The following BCO2 variants were observed in gnomAD, a reference collection of about 807,000 sequenced individuals.
BCO2 encodes the protein beta-carotene oxygenase 2, also known as carotenoid-cleaving dioxygenase, mitochondrial.
In BCO2, 56 loss-of-function variants were observed where a neutral mutation model predicts 65.8. The ratio of observed to expected loss-of-function variants is 0.85; its 90% confidence interval spans 0.69 to 1.06. BCO2 has a LOEUF of 1.06. Among genes scored for constraint, BCO2 ranks in the 50% least tolerant of loss-of-function variants. BCO2 has a pLI of 0.00. For missense variants in BCO2, 675 were observed against 698.5 expected (o/e 0.97, Z 0.38); for synonymous variants, 233 against 242.3 (o/e 0.96, Z 0.36).
Position 112,182,719 on chromosome 11 carries a change from C to T in BCO2, c.293+3237C>T, listed in dbSNP as rs193188083. The T allele has an allele frequency of 3.1e-4, 147 of 467,626 alleles. No homozygotes were observed. In the East Asian group the frequency reaches 4.8e-3, roughly 15 times the overall value. 29.0% of individuals were successfully genotyped at this position (467,626 alleles called of 1,614,324 possible). ...GGCCTGTCATGGGGTGGGGGGAGCA[C>T]GGAGGGATAGAATTAGGAGATATAC... On this transcript the variant is annotated intron_variant, in intron 2 of 11. Transcript: ENST00000357685.
chr11:112,194,663 G>A lies in BCO2; in HGVS notation c.644G>A (p.Ser215Asn), dbSNP rs769540991. The change falls in exon 5 of 12, where the codon AGC becomes AAC. Residue 215 changes from serine to asparagine, a missense_variant. Coordinates refer to ENST00000357685, the MANE Select transcript of BCO2 (RefSeq NM_031938.7). The stretch of plus-strand genomic sequence containing the variant: ...GTCTCAAATTTGCAGGTAGATTGGA[G>A]CAAATTTATTGCTGTGAATGGAGCA... The part of the protein sequence containing the change: ...TLEKTEKVDW[S>N]KFIAVNGATA... 1 of 1,611,620 alleles carries A rather than the reference G, an allele frequency of 6.2e-7. No individual in the cohort carries two copies. Among genetic ancestry groups the A allele is most frequent in the Non-Finnish European group, 8.5e-7 (1 of 1,178,326 alleles).
chr11:112,200,600 T>G lies in BCO2; in HGVS notation c.866-13T>G. The G allele has an allele frequency of 6.3e-7, 1 of 1,591,794 alleles. No individual in the cohort carries two copies. On this transcript the variant is annotated splice_polypyrimidine_tract_variant and intron_variant, in intron 6 of 11. Coordinates refer to ENST00000357685, the MANE Select transcript of BCO2 (RefSeq NM_031938.7). ...GCCAAATAACATTTTTATTGTTTGC[T>G]GGAACCTTTTAGGAATGACAAGGAA...
chr11:112,217,651 G>T, intron 11 of BCO2, 110 bp from the exon 12 acceptor site: 1 of 717,196 alleles, frequency 1.4e-6, no homozygotes. Flanking sequence ...GTGAGCCACT[G>T]TGCCTGACCA....
rs139425271 is a variant in BCO2, at chr11:112,193,582, C to G, written c.402C>G (p.Asn134Lys). ...KFLQSDTYKANSAKNRIVISE... is the reference protein window; with the variant it reads ...KFLQSDTYKAKSAKNRIVISE... ...TACAGAGTGATACATATAAGGCCAACAGTGCTAAAAACCGAATTGTGATCT... is the reference window on the plus strand; with the variant it reads ...TACAGAGTGATACATATAAGGCCAAGAGTGCTAAAAACCGAATTGTGATCT... The change falls in exon 3 of 12, where the codon AAC becomes AAG. Residue 134 changes from asparagine to lysine, a missense_variant. Transcript: ENST00000357685. 2.5e-4 allele frequency: 396 copies of G among 1,614,040 alleles called. No homozygotes were observed. The highest frequency in any genetic ancestry group is 3.1e-4 in the Non-Finnish European group (370 of 1,180,026).
intron 2 of BCO2, among the ~76,000 whole-genome samples, chr11:112,190,497 T>C (rs991169947): frequency 2.6e-5 from 4 of 152,128 alleles, no homozygotes; most frequent in Non-Finnish European, 5.9e-5. Context: ...CACAGAATTA[T>C]CTCCATAGAT....
At chr11:112,202,372 TC>T (rs1462777256) in intron 8 of BCO2, among the ~76,000 whole-genome samples, 182 bp downstream of exon 8, 1 of 152,090 alleles carries the variant, frequency 6.6e-6, no homozygotes, top group Non-Finnish European at 1.5e-5. Context: ...AACCTCTACC[TC>T]CCAGGTTCAA....
chr11:112,217,167 T>C (rs1490011703), intron 11 of BCO2, among the ~76,000 whole-genome samples: 1 of 152,196 alleles, frequency 6.6e-6, no homozygotes, highest in Non-Finnish European at 1.5e-5. Flanking sequence ...TCAAAGAAAT[T>C]CTGTGAAGGT....
At position 112,213,800 on chromosome 11, in the gene BCO2, G is replaced by T. The variant is rs1287262852; in HGVS notation, c.1271G>T (p.Gly424Val). 3 of 1,613,270 alleles carry T rather than the reference G, an allele frequency of 1.9e-6. No homozygotes were observed. In the East Asian group the frequency reaches 6.7e-5, roughly 36 times the overall value. ...PLNVSLNAPE[G>V]DNLSPLSYTS... Reference sequence around the variant, plus strand: ...AATGTCAGTTTGAATGCCCCTGAGGGAGACAACCTGAGTCCATTGTCCTAT... The same window carrying T: ...AATGTCAGTTTGAATGCCCCTGAGGTAGACAACCTGAGTCCATTGTCCTAT... Residue 424 changes from glycine (G) to valine (V), a missense_variant, in exon 9 of 12, where the codon GGA becomes GTA. Physicochemically the swap from Gly to Val is moderately radical, Grantham distance 109. Coordinates refer to ENST00000357685, the MANE Select transcript of BCO2 (RefSeq NM_031938.7).
In BCO2 at chr11:112,179,366, C is replaced by A. The variant is rs200795587; in HGVS notation, c.177C>A (p.Thr59=). The change falls in exon 2 of 12, where the codon ACC becomes ACA. Residue 59 remains threonine (T), a synonymous_variant. Coordinates refer to ENST00000357685, the MANE Select transcript of BCO2 (RefSeq NM_031938.7). ...RGLPCVAPLL[T]TVEEAPRGIS... is the part of the protein sequence containing the mutation. Reference sequence around the variant, plus strand: ...TGCCATGTGTTGCACCGCTGCTGACCACAGTGGAAGAGGCTCCACGGGGCA... The same window carrying A: ...TGCCATGTGTTGCACCGCTGCTGACAACAGTGGAAGAGGCTCCACGGGGCA... 6.2e-7 allele frequency: 1 copy of A among 1,614,018 alleles called. No individual in the cohort carries two copies. The highest frequency in any genetic ancestry group is 8.5e-7 in the Non-Finnish European group (1 of 1,180,036).
chr11:112,184,608 A>G (rs1253098365), intron 2 of BCO2, among the ~76,000 whole-genome samples: 1 of 152,166 alleles, frequency 6.6e-6, no homozygotes, highest in Non-Finnish European at 1.5e-5. Context: ...AAATATATAT[A>G]AAGTAAAAAT....
chr11:112,204,759 G>A (rs531762184), intron 8 of BCO2, among the ~76,000 whole-genome samples: 7 of 152,028 alleles, frequency 4.6e-5, no homozygotes, highest in South Asian at 2.1e-4. Flanking sequence ...TGCAACCTCC[G>A]CCTCCTCAGT....
intron 8 of BCO2, among the ~76,000 whole-genome samples, chr11:112,210,760 A>G (rs1178665939): frequency 1.2e-3 from 4 of 3,426 alleles, no homozygotes; most frequent in African/African-American, 4.1e-3. Context: ...ATACACGCAC[A>G]CACACACACA....
At chr11:112,201,426 G>C (rs751547656) in intron 7 of BCO2, among the ~76,000 whole-genome samples, 5 of 152,092 alleles carry the variant, frequency 3.3e-5, no homozygotes, top group African/African-American at 4.8e-5. Context: ...GGGATTACAG[G>C]CGTGAGCCAC....
chr11:112,182,763 T>G (rs1867089950), intron 2 of BCO2: 2 of 575,108 alleles, frequency 3.5e-6, no homozygotes, highest in African/African-American at 3.8e-5. Context: ...AATGATGAGT[T>G]AATGGGTGCA....
At chr11:112,210,948 T>C (rs988682784) in intron 8 of BCO2, among the ~76,000 whole-genome samples, 42 of 152,096 alleles carry the variant, frequency 2.8e-4, no homozygotes, top group Non-Finnish European at 3.2e-4. Context: ...AGAAAGTATA[T>C]ATATATAACA....
In BCO2 at chr11:112,193,601, G is replaced by A; in HGVS notation, c.421G>A (p.Val141Met). Residue 141 changes from valine (V) to methionine (M), a missense_variant, in exon 3 of 12, where the codon GTG becomes ATG. By Grantham distance (21) the Val-to-Met change is conservative. Transcript: ENST00000357685. ...GGCCAACAGTGCTAAAAACCGAATT[G>A]TGATCTCAGAATTTGGCACACTGGC... is the stretch of plus-strand genomic sequence containing the variant. ...YKANSAKNRI[V>M]ISEFGTLALP... 1 of 1,614,136 alleles carries A rather than the reference G, an allele frequency of 6.2e-7. No homozygotes were observed. Among genetic ancestry groups the A allele is most frequent in the East Asian group, 2.2e-5 (1 of 44,880 alleles).
At chr11:112,191,731 C>T (rs1044860554) in intron 2 of BCO2, among the ~76,000 whole-genome samples, 5 of 152,012 alleles carry the variant, frequency 3.3e-5, no homozygotes, top group African/African-American at 1.2e-4. Context: ...ACCATAACAC[C>T]TTTACAATTA....
At chr11:112,179,930 G>A (rs1330167885) in intron 2 of BCO2, 1 of 164,628 alleles carries the variant, frequency 6.1e-6, no homozygotes, top group African/African-American at 2.4e-5. Flanking sequence ...TCCCAAGACT[G>A]GTCTTTTCAT....
chr11:112,211,732 AT>A (rs1316952720), intron 8 of BCO2, among the ~76,000 whole-genome samples: 1 of 152,182 alleles, frequency 6.6e-6, no homozygotes, highest in Non-Finnish European at 1.5e-5. Flanking sequence ...TGTTGAGCAT[AT>A]GTTTAAGTAG....
Sources: gnomAD v4.1 joint callset for allele counts (sites outside exome capture counted in the v4.1 genomes callset) on GRCh38, gnomAD v4.1.1 for gene constraint, MANE v1.5 for transcripts, NCBI Gene and HGNC (gene_info 2026-07-23, HGNC 2026-07-21) for gene names.